The following LRRIQ3 variants were observed in gnomAD, a reference collection of about 807,000 sequenced individuals.
The protein encoded by LRRIQ3 is leucine rich repeats and IQ motif containing 3, also known as leucine-rich repeat and IQ domain-containing protein 3.
Under a neutral mutation model 59.3 loss-of-function variants are expected in LRRIQ3, and 75 were observed. That is an observed-to-expected ratio of 1.26 (90% CI 1.05 to 1.53). The LOEUF (loss-of-function observed/expected upper bound fraction) is 1.53, where lower values mean the gene tolerates loss of function less well. Ranked by LOEUF, LRRIQ3 falls within the 40% of genes most tolerant of loss-of-function variation. LRRIQ3 has a pLI of 0.00. For synonymous variants in LRRIQ3, 250 were observed against 231.3 expected (o/e 1.08, Z -0.73); for missense variants, 831 against 710.0 (o/e 1.17, Z -1.94).
intron 5 of LRRIQ3, among the ~76,000 whole-genome samples, chr1:74,103,792 C>T (rs999495074): frequency 1.3e-5 from 2 of 151,266 alleles, no homozygotes; most frequent in East Asian, 1.9e-4. Flanking sequence ...GTCCTTCCCC[C>T]CCCCGCCATA....
At chr1:74,092,907 C>T (rs1350471061) in intron 5 of LRRIQ3, among the ~76,000 whole-genome samples, 2 of 151,924 alleles carry the variant, frequency 1.3e-5, no homozygotes, top group African/African-American at 4.8e-5. Flanking sequence ...ATTTTGTCTT[C>T]CCTCCAACAC....
chr1:74,160,310 T>C (rs1648585948), intron 3 of LRRIQ3, among the ~76,000 whole-genome samples: 1 of 152,130 alleles, frequency 6.6e-6, no homozygotes, highest in Non-Finnish European at 1.5e-5. Context: ...CCACTCTGCC[T>C]CACAGGCTCT....
intron 6 of LRRIQ3, among the ~76,000 whole-genome samples, chr1:74,068,041 A>C (rs1488161733): frequency 2.0e-5 from 3 of 152,122 alleles, no homozygotes; most frequent in Non-Finnish European, 4.4e-5. Context: ...GACATAAATT[A>C]GTAGGCACAT....
intron 1 of LRRIQ3, among the ~76,000 whole-genome samples, chr1:74,197,183 A>C (rs2100755179): frequency 6.6e-6 from 1 of 152,318 alleles, no homozygotes. Flanking sequence ...CGATTGTATA[A>C]CAAGTCTGAG....
chr1:74,055,180 TTATATATATATA>T (rs57279520), intron 6 of LRRIQ3, among the ~76,000 whole-genome samples: 3,023 of 139,936 alleles, frequency 0.022, 80 homozygotes, highest in African/African-American at 0.066. Flanking sequence ...CATATACACT[TTATATATATATA>T]TATATATATA....
At chr1:74,051,348 C>T (rs2100416613) in intron 6 of LRRIQ3, among the ~76,000 whole-genome samples, 1 of 152,214 alleles carries the variant, frequency 6.6e-6, no homozygotes, top group African/African-American at 2.4e-5. Context: ...GTTATTAAGG[C>T]TGCTTACAAA....
At chr1:74,073,569 C>A (rs1013974196) in intron 6 of LRRIQ3, among the ~76,000 whole-genome samples, 1 of 151,110 alleles carries the variant, frequency 6.6e-6, no homozygotes, top group African/African-American at 2.4e-5. Context: ...CACACAAAGG[C>A]TTTTCAGCTG....
chr1:74,158,126 T>C (rs563225430), intron 3 of LRRIQ3, among the ~76,000 whole-genome samples: 12 of 152,050 alleles, frequency 7.9e-5, no homozygotes, highest in Non-Finnish European at 1.6e-4. Flanking sequence ...TACCTCTCTT[T>C]TTCTTCTATT....
At position 74,063,094 on chromosome 1, in the gene LRRIQ3, C is replaced by T. The variant is rs562351204; in HGVS notation, c.997+11567G>A. Among the ~76,000 whole-genome samples the T allele has an allele frequency of 3.0e-3, 449 of 150,322 alleles. 1 individual carries two copies. The highest frequency in any genetic ancestry group is 0.01 in the African/African-American group (423 of 41,168). On this transcript the variant is annotated intron_variant, in intron 6 of 7. Transcript: ENST00000354431. Reference sequence around the variant, plus strand: ...CAAAACAAAAAAAATCAAAACAAAACAAAACAAAACAAAAAACCCCAAAAC... The same window carrying T: ...CAAAACAAAAAAAATCAAAACAAAATAAAACAAAACAAAAAACCCCAAAAC...
Position 74,026,184 on chromosome 1 carries a change from T to C in LRRIQ3, c.*629A>G, listed in dbSNP as rs769878795. The stretch of plus-strand genomic sequence containing the variant: ...TGTCTTTTCCCTGTCTTCACATGTA[T>C]ACCAAACAGGGCAAACCCATCAAAA... On this transcript the variant is annotated 3_prime_UTR_variant, in exon 8 of 8. Coordinates refer to ENST00000354431, the MANE Select transcript of LRRIQ3 (RefSeq NM_001105659.2). 17 of 152,134 alleles carry C rather than the reference T, an allele frequency of 1.1e-4. No homozygotes were observed. Among genetic ancestry groups the C allele is most frequent in the Admixed American group, 2.6e-4 (4 of 15,224 alleles). 9.4% of individuals were successfully genotyped at this position (152,134 alleles called of 1,614,324 possible).
chr1:74,100,085 G>A (rs1348987292), intron 5 of LRRIQ3, among the ~76,000 whole-genome samples: 1 of 152,036 alleles, frequency 6.6e-6, no homozygotes, highest in Non-Finnish European at 1.5e-5. Context: ...AGAAATAAAG[G>A]GTATTCAATT....
At chr1:74,152,589 C>A (rs187889577) in intron 4 of LRRIQ3, among the ~76,000 whole-genome samples, 2 of 152,180 alleles carry the variant, frequency 1.3e-5, no homozygotes, top group East Asian at 1.9e-4. Context: ...CAGTGAATAA[C>A]CCTCTGTGTT....
chr1:74,060,448 A>G (rs190083348), intron 6 of LRRIQ3, among the ~76,000 whole-genome samples: 101 of 151,504 alleles, frequency 6.7e-4, no homozygotes, highest in African/African-American at 2.4e-3. Context: ...ATATATTTGA[A>G]GTATTTTTGC....
chr1:74,117,023 A>C (rs1052866595), intron 4 of LRRIQ3, among the ~76,000 whole-genome samples: 3 of 152,140 alleles, frequency 2.0e-5, no homozygotes, highest in African/African-American at 7.2e-5. Context: ...ACTGTAAAAC[A>C]AAGAAAGGTA....
chr1:74,196,495 T>C (rs1192358453), intron 1 of LRRIQ3, among the ~76,000 whole-genome samples: 1 of 152,162 alleles, frequency 6.6e-6, no homozygotes, highest in South Asian at 2.1e-4. Context: ...GTATGTATAA[T>C]GCATACAGAC....
chr1:74,033,192 C>A (rs1653769953), intron 7 of LRRIQ3, among the ~76,000 whole-genome samples: 1 of 151,816 alleles, frequency 6.6e-6, no homozygotes, highest in Non-Finnish European at 1.5e-5. Flanking sequence ...ATCTGTGGGG[C>A]ATTGATTTCT....
At chr1:74,150,652 C>A (rs1647872603) in intron 4 of LRRIQ3, among the ~76,000 whole-genome samples, 2 of 152,054 alleles carry the variant, frequency 1.3e-5, no homozygotes, top group Admixed American at 6.5e-5. Flanking sequence ...ACATTACCTG[C>A]AAAAAGAAAT....
chr1:74,060,976 T>A (rs1182988703), intron 6 of LRRIQ3, among the ~76,000 whole-genome samples: 1 of 152,114 alleles, frequency 6.6e-6, no homozygotes, highest in Non-Finnish European at 1.5e-5. Context: ...ACCTCTGGAA[T>A]TCTGGCAGCG....
chr1:74,154,940 G>A (rs207460211), intron 4 of LRRIQ3, among the ~76,000 whole-genome samples: 1 of 152,080 alleles, frequency 6.6e-6, no homozygotes, highest in Non-Finnish European at 1.5e-5. Flanking sequence ...TCTTTATCAG[G>A]ACTATTGCCA....
Sources: gnomAD v4.1 joint callset for allele counts (sites outside exome capture counted in the v4.1 genomes callset) on GRCh38, gnomAD v4.1.1 for gene constraint, MANE v1.5 for transcripts, NCBI Gene and HGNC (gene_info 2026-07-23, HGNC 2026-07-21) for gene names.